Variants in MYL1 observed in about 807,000 individuals in gnomAD.
MYL1 encodes myosin light chain 1.
MYL1 carries 16 observed loss-of-function variants against 21.8 expected under a neutral mutation model. The ratio of observed to expected loss-of-function variants is 0.74; its 90% CI spans 0.50 to 1.12. The LOEUF (loss-of-function observed/expected upper bound fraction) is 1.12, where lower values mean the gene tolerates loss of function less well. MYL1 is among the 50% of genes most tolerant of loss of function. The pLI, the probability that MYL1 is intolerant of heterozygous loss-of-function variation, is 0.00. For missense variants in MYL1, 246 were observed against 241.0 expected, an observed-to-expected ratio of 1.02 and a Z score of -0.14; for synonymous variants, 99 against 85.2, an observed-to-expected ratio of 1.16 and a Z score of -0.89.
intron 2 of MYL1, among the ~76,000 whole-genome samples, chr2:210,301,174 A>G (rs1048888291): frequency 2.6e-5 from 4 of 152,168 alleles, no homozygotes; most frequent in African/African-American, 9.6e-5. Flanking sequence ...GTGACAATGT[A>G]GCAGCATCAC....
intron 1 of MYL1, among the ~76,000 whole-genome samples, chr2:210,313,093 T>G (rs900339396): frequency 6.6e-6 from 1 of 151,956 alleles, no homozygotes; most frequent in Non-Finnish European, 1.5e-5. Context: ...AAGAGATGTT[T>G]TGTCTTTTCT....
At chr2:210,298,178 A>G (rs1042432766) in intron 3 of MYL1, among the ~76,000 whole-genome samples, 4 of 152,006 alleles carry the variant, frequency 2.6e-5, no homozygotes, top group Non-Finnish European at 4.4e-5. Context: ...CAAATTCTCA[A>G]AGGAAGTTTA....
chr2:210,302,073 T>C (rs974667415), intron 2 of MYL1, among the ~76,000 whole-genome samples: 2 of 152,134 alleles, frequency 1.3e-5, no homozygotes, highest in Non-Finnish European at 2.9e-5. Context: ...GGTTTAGTAA[T>C]TGGGCAGTTT....
intron 3 of MYL1, among the ~76,000 whole-genome samples, chr2:210,296,365 A>G (rs949933898): frequency 2.0e-5 from 3 of 152,230 alleles, no homozygotes; most frequent in African/African-American, 7.2e-5. Context: ...ATAGTGCTTT[A>G]GAACACTAGA....
chr2:210,291,376 C>T (rs1254999846), intron 5 of MYL1, among the ~76,000 whole-genome samples: 2 of 152,138 alleles, frequency 1.3e-5, no homozygotes, highest in South Asian at 2.1e-4. Flanking sequence ...AATCCTCCTG[C>T]TTTAGCCTCC....
chr2:210,297,754 A>ATT (rs1048976301), intron 3 of MYL1, among the ~76,000 whole-genome samples: 1 of 151,392 alleles, frequency 6.6e-6, no homozygotes, highest in Non-Finnish European at 1.5e-5. Flanking sequence ...TTTATCACTG[A>ATT]TTTTTTTCCT....
intron 1 of MYL1, 75 bp from the exon 2 acceptor site, chr2:210,302,590 C>A: frequency 6.5e-7 from 1 of 1,545,728 alleles, no homozygotes. Flanking sequence ...GTATCCAGCT[C>A]ATTCCCTGAG....
chr2:210,290,843 CTTA>C (rs1690064410), intron 6 of MYL1, among the ~76,000 whole-genome samples, 186 bp downstream of exon 6: 3 of 151,846 alleles, frequency 2.0e-5, no homozygotes, highest in Admixed American at 2.0e-4. Flanking sequence ...TAGGTTTTTG[CTTA>C]TATCTCGTAC....
intron 3 of MYL1, 45 bp from the exon 4 acceptor site, chr2:210,294,463 T>G: frequency 6.5e-7 from 1 of 1,529,644 alleles, no homozygotes; most frequent in Non-Finnish European, 8.9e-7. Context: ...ACCATAATAC[T>G]AACTCTGAGT....
chr2:210,308,566 T>C (rs1001934605), intron 1 of MYL1, among the ~76,000 whole-genome samples: 1 of 151,134 alleles, frequency 6.6e-6, no homozygotes, highest in Non-Finnish European at 1.5e-5. Context: ...TGGTCTGAGA[T>C]AAAATCCTTA....
In MYL1 at chr2:210,302,810, A is replaced by G. The variant is rs1040616334; in HGVS notation, c.133-295T>C. On this transcript the variant is annotated intron_variant, in intron 1 of 6. Coordinates refer to ENST00000352451, the MANE Select transcript of MYL1 (RefSeq NM_079420.3). ...CTGAAGGACTGCAGTGGCGAAGAAG[A>G]GAAAGAAAGAAAAAAAACTAGTACT... The G allele has an allele frequency of 9.0e-6, 14 of 1,555,042 alleles. No individual in the cohort carries two copies. In the African/African-American group the frequency reaches 1.8e-4, roughly 20 times the overall value.
chr2:210,291,079 A>G lies in MYL1; in HGVS notation c.557-5T>C, dbSNP rs1373900367. On this transcript the variant is annotated splice_polypyrimidine_tract_variant and splice_region_variant and intron_variant, in intron 5 of 6. Transcript: ENST00000352451. The stretch of plus-strand genomic sequence containing the variant: ...ACATGATGTGCTTGACAAAAGCTGT[A>G]GGAGCAAAATAGACAAAATAGACAA... The G allele has an allele frequency of 1.9e-6, 3 of 1,609,644 alleles. No homozygotes were observed. Among genetic ancestry groups the G allele is most frequent in the African/African-American group, 1.3e-5 (1 of 74,928 alleles).
chr2:210,299,115 T>A (rs906405865), intron 2 of MYL1, among the ~76,000 whole-genome samples: 4 of 152,202 alleles, frequency 2.6e-5, no homozygotes, highest in Admixed American at 6.5e-5. Context: ...AATCTATACA[T>A]TCTATAGTTT....
At chr2:210,295,959 G>C (rs1690167938) in intron 3 of MYL1, among the ~76,000 whole-genome samples, 1 of 152,128 alleles carries the variant, frequency 6.6e-6, no homozygotes, top group Non-Finnish European at 1.5e-5. Flanking sequence ...AATGAAGTAA[G>C]CAGGCTGATT....
intron 3 of MYL1, among the ~76,000 whole-genome samples, chr2:210,297,337 C>A (rs1295409885): frequency 6.6e-6 from 1 of 151,892 alleles, no homozygotes; most frequent in African/African-American, 2.4e-5. Flanking sequence ...TATTTTTTGT[C>A]TTTTTAATAA....
chr2:210,294,251 TGGCTAGAACATGGC>T lies in MYL1; in HGVS notation c.458_471del (p.Arg153HisfsTer4), dbSNP rs1229455232. On this transcript the variant is annotated frameshift_variant, in exon 4 of 7. Transcript: ENST00000352451. LOFTEE classifies it high-confidence loss of function. ...CTGAAATAAATTCCCTTACCCAGGGTGGCTAGAACATGGCGGAGTTCAGCACCCATGACTGTGCC... is the reference window on the plus strand; with the variant it reads ...CTGAAATAAATTCCCTTACCCAGGGTGGAGTTCAGCACCCATGACTGTGCC... 6.2e-7 allele frequency: 1 copy of T among 1,609,900 alleles called. No homozygotes were observed. The highest frequency in any genetic ancestry group is 8.5e-7 in the Non-Finnish European group (1 of 1,178,456).
intron 1 of MYL1, 171 bp from the exon 2 acceptor site, chr2:210,302,686 A>G: frequency 6.6e-7 from 1 of 1,523,560 alleles, no homozygotes; most frequent in Non-Finnish European, 8.9e-7. Flanking sequence ...CCATAGTGTA[A>G]CATGCCTTGA....
chr2:210,304,239 T>C (rs897668009), intron 1 of MYL1, among the ~76,000 whole-genome samples: 1 of 152,256 alleles, frequency 6.6e-6, no homozygotes, highest in African/African-American at 2.4e-5. Context: ...CCGCTTTTCA[T>C]CATTCTCCTT....
chr2:210,291,426 C>CTATGGTT (rs1383888481), intron 5 of MYL1, among the ~76,000 whole-genome samples: 2 of 152,120 alleles, frequency 1.3e-5, no homozygotes, highest in Non-Finnish European at 2.9e-5. Context: ...CTGTGCCCAG[C>CTATGGTT]TATGGTTAAA....
Sources: allele counts gnomAD v4.1 joint callset (sites outside exome capture counted in the v4.1 genomes callset), GRCh38; gene constraint gnomAD v4.1.1; transcripts MANE v1.5; gene names NCBI Gene and HGNC (gene_info 2026-07-23, HGNC 2026-07-21).